The following BRINP2 variants were observed in gnomAD, a reference collection of about 807,000 sequenced individuals.
The protein encoded by BRINP2 is BMP/retinoic acid inducible neural specific 2, also known as BMP/retinoic acid-inducible neural-specific protein 2.
Under a neutral mutation model 69.2 loss-of-function variants are expected in BRINP2, and 21 were observed. That is an observed-to-expected ratio of 0.30 (90% CI 0.22 to 0.44). The LOEUF (loss-of-function observed/expected upper bound fraction) is 0.44, where lower values mean the gene tolerates loss of function less well. BRINP2 is among the 20% of genes least tolerant of loss of function. The pLI is 1.00. For missense variants in BRINP2, 877 were observed against 986.0 expected (o/e 0.89, Z 1.48); for synonymous variants, 380 against 394.1 (o/e 0.96, Z 0.42).
At chr1:177,234,707 A>T (rs1167598270) in intron 2 of BRINP2, among the ~76,000 whole-genome samples, 4 of 152,238 alleles carry the variant, frequency 2.6e-5, no homozygotes, top group Admixed American at 6.5e-5. Context: ...CTTAGTCATT[A>T]TCACATCTAC....
In BRINP2 at chr1:177,255,898, A is replaced by C. The variant is rs778163670; in HGVS notation, c.270-21A>C. ...TCTGAAACGAGGTCAGCTTTTCCTT[A>C]TCCCTTGGCTTTTCCCCCAGGGAGT... is the stretch of plus-strand genomic sequence containing the variant. On this transcript the variant is annotated intron_variant, in intron 2 of 7. Transcript: ENST00000361539. The C allele has an allele frequency of 1.9e-6, 3 of 1,610,988 alleles. No homozygotes were observed. The Admixed American group carries it at 5.0e-5, about 27-fold the overall frequency.
At chr1:177,241,714 T>A (rs1650211663) in intron 2 of BRINP2, among the ~76,000 whole-genome samples, 1 of 152,176 alleles carries the variant, frequency 6.6e-6, no homozygotes, top group East Asian at 1.9e-4. Context: ...TCAATATCAG[T>A]TTTTCATTTT....
chr1:177,256,312 A>T (rs1267365381), intron 3 of BRINP2: 1 of 984,732 alleles, frequency 1.0e-6, no homozygotes, highest in African/African-American at 1.7e-5. Flanking sequence ...TTCCCTGAGG[A>T]GGGGAAGTTG....
At chr1:177,272,985 G>A (rs1199473941) in intron 4 of BRINP2, among the ~76,000 whole-genome samples, 2 of 152,180 alleles carry the variant, frequency 1.3e-5, no homozygotes, top group African/African-American at 4.8e-5. Flanking sequence ...CTCTAAGGAT[G>A]TCTCAGTGCC....
intron 2 of BRINP2, among the ~76,000 whole-genome samples, chr1:177,234,958 G>A (rs1295663936): frequency 6.6e-6 from 1 of 152,176 alleles, no homozygotes; most frequent in African/African-American, 2.4e-5. Flanking sequence ...AGGCACCAGA[G>A]CAACAACCCT....
At chr1:177,235,884 C>T (rs998874986) in intron 2 of BRINP2, among the ~76,000 whole-genome samples, 3 of 152,162 alleles carry the variant, frequency 2.0e-5, no homozygotes, top group African/African-American at 7.2e-5. Flanking sequence ...GTTAGCTCTT[C>T]CGCATAAACC....
intron 1 of BRINP2, among the ~76,000 whole-genome samples, chr1:177,224,373 A>G (rs576813241): frequency 5.9e-5 from 9 of 152,302 alleles, no homozygotes; most frequent in African/African-American, 2.2e-4. Context: ...TTTATGTTTC[A>G]GTCCCTTTCT....
intron 2 of BRINP2, among the ~76,000 whole-genome samples, chr1:177,240,076 C>T (rs1456970320): frequency 6.6e-6 from 1 of 152,172 alleles, no homozygotes. Context: ...AGAACCACTG[C>T]TCACCAAGTT....
chr1:177,206,342 A>C (rs1649070147), intron 1 of BRINP2, among the ~76,000 whole-genome samples: 1 of 152,352 alleles, frequency 6.6e-6, no homozygotes, highest in African/African-American at 2.4e-5. Context: ...ATTTTGTTAT[A>C]AGGTAAGAAA....
At chr1:177,209,294 T>G (rs1379351196) in intron 1 of BRINP2, among the ~76,000 whole-genome samples, 1 of 151,590 alleles carries the variant, frequency 6.6e-6, no homozygotes, top group South Asian at 2.1e-4. Flanking sequence ...ACAGAAAGCA[T>G]ATGGGTAATT....
chr1:177,183,434 G>A (rs907708228), intron 1 of BRINP2, among the ~76,000 whole-genome samples: 7 of 152,164 alleles, frequency 4.6e-5, no homozygotes, highest in Admixed American at 2.0e-4. Context: ...AGAACACAGG[G>A]CCAGCAATAT....
At chr1:177,255,886 C>A in intron 2 of BRINP2, 33 bp from the exon 3 acceptor site, 1 of 1,602,464 alleles carries the variant, frequency 6.2e-7, no homozygotes, top group Non-Finnish European at 8.5e-7. Context: ...GAAACGAGGT[C>A]AGCTTTTCCT....
At chr1:177,189,459 C>T (rs1034593471) in intron 1 of BRINP2, among the ~76,000 whole-genome samples, 2 of 152,144 alleles carry the variant, frequency 1.3e-5, no homozygotes, top group South Asian at 2.1e-4. Flanking sequence ...TTCATTTGGT[C>T]GCTGCCACTC....
intron 5 of BRINP2, among the ~76,000 whole-genome samples, chr1:177,273,912 A>T (rs1181908811): frequency 6.6e-6 from 1 of 152,172 alleles, no homozygotes; most frequent in African/African-American, 2.4e-5. Context: ...AGAAGCCTTT[A>T]CCTAGTTCAA....
chr1:177,256,780 TGGG>T (rs1650775605), intron 3 of BRINP2: 16 of 1,116,984 alleles, frequency 1.4e-5, no homozygotes, highest in Non-Finnish European at 1.5e-5. Flanking sequence ...GAGTGTTTGA[TGGG>T]GAGGAGGGAG....
intron 2 of BRINP2, among the ~76,000 whole-genome samples, chr1:177,248,195 A>G (rs747815178): frequency 3.8e-4 from 58 of 152,200 alleles, no homozygotes; most frequent in Admixed American, 7.2e-4. Context: ...CACTTATCCA[A>G]AAAATGTTGG....
chr1:177,208,462 C>G (rs962387165), intron 1 of BRINP2, among the ~76,000 whole-genome samples: 3 of 152,212 alleles, frequency 2.0e-5, no homozygotes, highest in African/African-American at 4.8e-5. Flanking sequence ...CATTTCCCCA[C>G]TCTCCTTATC....
intron 2 of BRINP2, among the ~76,000 whole-genome samples, chr1:177,241,878 A>C (rs1650216023): frequency 6.6e-6 from 1 of 152,218 alleles, no homozygotes; most frequent in Admixed American, 6.5e-5. Flanking sequence ...CAGTGCTTCG[A>C]GGAACGTTGG....
At chr1:177,186,176 C>A (rs1473468622) in intron 1 of BRINP2, among the ~76,000 whole-genome samples, 1 of 152,094 alleles carries the variant, frequency 6.6e-6, no homozygotes, top group Non-Finnish European at 1.5e-5. Context: ...TGGCCCTTGT[C>A]AGTCCACCCC....
Sources: gnomAD v4.1 joint callset for allele counts (sites outside exome capture counted in the v4.1 genomes callset) on GRCh38, gnomAD v4.1.1 for gene constraint, MANE v1.5 for transcripts, NCBI Gene and HGNC (gene_info 2026-07-23, HGNC 2026-07-21) for gene names.